Variants in KCND2 observed in about 807,000 individuals in gnomAD.
KCND2 encodes A-type voltage-gated potassium channel KCND2.
A neutral mutation model predicts 54.4 loss-of-function variants in KCND2; 16 were observed. The ratio of observed to expected loss-of-function variants is 0.29; its 90% confidence interval spans 0.20 to 0.45. KCND2 has a LOEUF of 0.45. Among genes scored for constraint, KCND2 ranks in the 20% least tolerant of loss-of-function variants. The pLI is 1.00. For synonymous variants in KCND2, 317 were observed against 310.7 expected (o/e 1.02, Z -0.21); for missense variants, 486 against 824.2 (o/e 0.59, Z 5.02).
At chr7:120,674,833 G>A (rs918128847) in intron 1 of KCND2, among the ~76,000 whole-genome samples, 10 of 152,124 alleles carry the variant, frequency 6.6e-5, no homozygotes, top group Non-Finnish European at 1.5e-5. Flanking sequence ...GTGTGTGTTG[G>A]AGGGGAAGAG....
chr7:120,721,714 G>A (rs531560713), intron 1 of KCND2, among the ~76,000 whole-genome samples: 1 of 152,080 alleles, frequency 6.6e-6, no homozygotes, highest in Non-Finnish European at 1.5e-5. Context: ...CTTTGGAATC[G>A]TTAGCAGGGA....
At chr7:120,310,423 AT>A (rs915538769) in intron 1 of KCND2, among the ~76,000 whole-genome samples, 33 of 152,128 alleles carry the variant, frequency 2.2e-4, no homozygotes, top group African/African-American at 4.8e-4. Context: ...CTTTAAAAGA[AT>A]TTTTTTTCTT....
At chr7:120,593,096 A>AT (rs1232735520) in intron 1 of KCND2, among the ~76,000 whole-genome samples, 3 of 152,186 alleles carry the variant, frequency 2.0e-5, no homozygotes, top group African/African-American at 7.2e-5. Flanking sequence ...TTCTATAAGA[A>AT]CAAATATCAA....
At position 120,746,047 on chromosome 7, in the gene KCND2, GT is replaced by G. The variant is rs776772002; in HGVS notation, c.1715+22del. On this transcript the variant is annotated intron_variant, in intron 5 of 5. Transcript: ENST00000331113. ...TAACAGGTACCTGAGATTAATCTGT[GT>G]TGTCTACACACCTGTGCTGGTTCCC... 1 of 1,610,796 alleles carries G rather than the reference GT, an allele frequency of 6.2e-7. No individual in the cohort carries two copies. Among genetic ancestry groups the G allele is most frequent in the South Asian group, 1.1e-5 (1 of 91,030 alleles).
intron 1 of KCND2, among the ~76,000 whole-genome samples, chr7:120,430,888 G>T (rs73433873): frequency 0.021 from 3,226 of 152,152 alleles, 98 homozygotes; most frequent in African/African-American, 0.07. Context: ...AAAGTGTTAC[G>T]TTTATTTTAA....
intron 1 of KCND2, among the ~76,000 whole-genome samples, chr7:120,411,717 A>AAAACTT (rs1801452653): frequency 1.3e-5 from 2 of 152,018 alleles, no homozygotes; most frequent in African/African-American, 2.4e-5. Context: ...AAACTTTCAC[A>AAAACTT]GTACATTCTT....
intron 1 of KCND2, among the ~76,000 whole-genome samples, chr7:120,403,654 A>G (rs1200274316): frequency 6.6e-6 from 1 of 151,776 alleles, no homozygotes; most frequent in Non-Finnish European, 1.5e-5. Context: ...CGTAAGACTT[A>G]TAATTGAAAA....
rs73721406 is a variant in KCND2, at chr7:120,509,840, A to G, written c.1116-223063A>G. The stretch of plus-strand genomic sequence containing the variant: ...TTCCACAATTCCTTCAATAAGGAAT[A>G]CAATACCTAGGAATCAATGTTTTGA... On this transcript the variant is annotated intron_variant, in intron 1 of 5. Transcript: ENST00000331113. Among the ~76,000 whole-genome samples, 431 of 152,208 alleles carry G rather than the reference A, an allele frequency of 2.8e-3. 3 individuals carry two copies. The highest frequency in any genetic ancestry group is 9.7e-3 in the African/African-American group (405 of 41,564).
At chr7:120,299,308 C>T (rs1289240754) in intron 1 of KCND2, among the ~76,000 whole-genome samples, 8 of 152,040 alleles carry the variant, frequency 5.3e-5, no homozygotes, top group South Asian at 2.1e-4. Context: ...AAATGAGTCA[C>T]GATCAGTGAG....
At chr7:120,427,781 A>C (rs893421603) in intron 1 of KCND2, among the ~76,000 whole-genome samples, 18 of 152,150 alleles carry the variant, frequency 1.2e-4, no homozygotes. Flanking sequence ...TTCTCATTCC[A>C]TTGCTGCTGT....
intron 1 of KCND2, among the ~76,000 whole-genome samples, chr7:120,334,174 A>G (rs935829588): frequency 6.6e-6 from 1 of 152,182 alleles, no homozygotes. Flanking sequence ...ATCCATGTCA[A>G]ATGAACATTA....
chr7:120,591,672 C>A (rs1185531746), intron 1 of KCND2, among the ~76,000 whole-genome samples: 2 of 152,160 alleles, frequency 1.3e-5, no homozygotes. Flanking sequence ...TAAATTTATT[C>A]AGTCCATTCA....
chr7:120,299,171 T>A (rs1413084941), intron 1 of KCND2, among the ~76,000 whole-genome samples: 2 of 151,884 alleles, frequency 1.3e-5, no homozygotes, highest in African/African-American at 4.8e-5. Context: ...AAAAAAAAAA[T>A]TGAGAATGGA....
In KCND2 at chr7:120,599,159, G is replaced by A. The variant is rs1027447577; in HGVS notation, c.1116-133744G>A. Among the ~76,000 whole-genome samples the A allele has an allele frequency of 7.2e-5, 11 of 152,006 alleles. 1 individual carries two copies. Among genetic ancestry groups the A allele is most frequent in the African/African-American group, 2.7e-4 (11 of 41,412 alleles). ...ATATATATGGATCTATTTTTAAATC[G>A]TGGTTGGTTCCATTGATATATTTGT... On this transcript the variant is annotated intron_variant, in intron 1 of 5. Transcript: ENST00000331113.
chr7:120,671,832 C>T (rs1252424905), intron 1 of KCND2, among the ~76,000 whole-genome samples: 1 of 152,138 alleles, frequency 6.6e-6, no homozygotes, highest in Non-Finnish European at 1.5e-5. Context: ...CATATTCCTT[C>T]TTCACTCAAT....
At chr7:120,481,855 T>C (rs956112826) in intron 1 of KCND2, among the ~76,000 whole-genome samples, 1 of 152,160 alleles carries the variant, frequency 6.6e-6, no homozygotes, top group Non-Finnish European at 1.5e-5. Flanking sequence ...CACCTAGATT[T>C]CAAAGGATGT....
chr7:120,364,733 A>G (rs1213731115), intron 1 of KCND2, among the ~76,000 whole-genome samples: 3 of 152,104 alleles, frequency 2.0e-5, no homozygotes, highest in African/African-American at 7.2e-5. Context: ...AAGACAGGCC[A>G]GCATGATCAA....
chr7:120,390,797 A>G (rs1801062627), intron 1 of KCND2, among the ~76,000 whole-genome samples: 1 of 152,036 alleles, frequency 6.6e-6, no homozygotes, highest in South Asian at 2.1e-4. Flanking sequence ...ATTTGTATGA[A>G]TTATAAATAA....
At chr7:120,567,365 C>T (rs1264228893) in intron 1 of KCND2, among the ~76,000 whole-genome samples, 2 of 152,098 alleles carry the variant, frequency 1.3e-5, no homozygotes, top group Non-Finnish European at 2.9e-5. Flanking sequence ...CAACATCTCC[C>T]TCCACTTAAT....
Sources: allele counts gnomAD v4.1 joint callset (sites outside exome capture counted in the v4.1 genomes callset), GRCh38; gene constraint gnomAD v4.1.1; transcripts MANE v1.5; gene names NCBI Gene and HGNC (gene_info 2026-07-23, HGNC 2026-07-21).